The following MEOX2 variants were observed in gnomAD, a reference collection of about 807,000 sequenced individuals.
MEOX2 encodes mesenchyme homeobox 2.
MEOX2 carries 11 observed loss-of-function variants against 27.0 expected under a neutral mutation model. That is an observed-to-expected ratio of 0.41 (90% CI 0.26 to 0.68). The LOEUF is 0.68. MEOX2 is among the 30% of genes least tolerant of loss of function. The probability of loss-of-function intolerance (pLI) is 0.33; values close to 1 mark genes in which losing one functional copy is unlikely to be tolerated. For missense variants in MEOX2, 436 were observed against 385.4 expected (o/e 1.13, Z -1.10); for synonymous variants, 189 against 155.4 (o/e 1.22, Z -1.61).
At chr7:15,663,938 G>A (rs889438673) in intron 1 of MEOX2, among the ~76,000 whole-genome samples, 3 of 152,152 alleles carry the variant, frequency 2.0e-5, no homozygotes, top group Non-Finnish European at 2.9e-5. Context: ...GATAGATATA[G>A]ATAGACAGAC....
At chr7:15,625,550 C>T (rs1174559765) in intron 2 of MEOX2, among the ~76,000 whole-genome samples, 7 of 152,122 alleles carry the variant, frequency 4.6e-5, no homozygotes, top group Non-Finnish European at 7.4e-5. Context: ...AAATAACTTG[C>T]TCTCTTAAGA....
At chr7:15,612,967 C>T (rs986436647) in intron 2 of MEOX2, among the ~76,000 whole-genome samples, 88 of 152,272 alleles carry the variant, frequency 5.8e-4, no homozygotes, top group Non-Finnish European at 2.2e-4. Context: ...TCAAAGCCCC[C>T]CACTCCTAAG....
chr7:15,685,964 C>T lies in MEOX2; in HGVS notation c.439G>A (p.Gly147Arg). ...GACAGTGCCTGGCGGCCGTAGTCCCCCGGCGCGCACGCGGCCCCAGTCGGG... is the reference window on the plus strand; with the variant it reads ...GACAGTGCCTGGCGGCCGTAGTCCCTCGGCGCGCACGCGGCCCCAGTCGGG... Reference protein sequence around the residue: ...STPTGAACAPGDYGRQALSPA... With the variant: ...STPTGAACAPRDYGRQALSPA... The change falls in exon 1 of 3, where the codon GGG becomes AGG. Residue 147 changes from glycine to arginine, a missense_variant. By Grantham distance (125) the Gly-to-Arg change is moderately radical. Coordinates refer to ENST00000262041, the MANE Select transcript of MEOX2 (RefSeq NM_005924.5). 1.9e-6 allele frequency: 3 copies of T among 1,611,204 alleles called. No homozygotes were observed. Among genetic ancestry groups the T allele is most frequent in the Non-Finnish European group, 2.5e-6 (3 of 1,179,692 alleles).
At position 15,620,036 on chromosome 7, in the gene MEOX2, C is replaced by A. The variant is rs1421823888; in HGVS notation, c.690+6710G>T. 1.3e-5 allele frequency among the ~76,000 whole-genome samples: 2 copies of A among 151,964 alleles called. 1 individual carries two copies. Among genetic ancestry groups the A allele is most frequent in the Admixed American group, 1.3e-4 (2 of 15,238 alleles). On this transcript the variant is annotated intron_variant, in intron 2 of 2. Coordinates refer to ENST00000262041, the MANE Select transcript of MEOX2 (RefSeq NM_005924.5). ...GTCTAGTTTTTGATGCTTACCAATA[C>A]TGTCAATATGTATTTATTTATTTAA... is the stretch of plus-strand genomic sequence containing the variant.
intron 2 of MEOX2, among the ~76,000 whole-genome samples, chr7:15,613,486 G>A (rs568581487): frequency 6.6e-6 from 1 of 151,800 alleles, no homozygotes; most frequent in East Asian, 1.9e-4. Context: ...GAGGAAATCT[G>A]TTTCTTTCAC....
At chr7:15,640,969 A>G (rs1402414802) in intron 1 of MEOX2, among the ~76,000 whole-genome samples, 1 of 152,024 alleles carries the variant, frequency 6.6e-6, no homozygotes, top group Admixed American at 6.6e-5. Context: ...TTCATCAGAG[A>G]TATTGGCTTA....
chr7:15,676,350 G>T (rs1170986303), intron 1 of MEOX2, among the ~76,000 whole-genome samples: 4 of 152,094 alleles, frequency 2.6e-5, no homozygotes, highest in African/African-American at 4.8e-5. Flanking sequence ...TTGCACATTT[G>T]CCATTCCTAA....
At chr7:15,624,039 T>C (rs1781259498) in intron 2 of MEOX2, among the ~76,000 whole-genome samples, 1 of 152,248 alleles carries the variant, frequency 6.6e-6, no homozygotes, top group Non-Finnish European at 1.5e-5. Flanking sequence ...CCCATTATGA[T>C]ATACAAATCT....
At chr7:15,655,484 T>C (rs1307659985) in intron 1 of MEOX2, among the ~76,000 whole-genome samples, 1 of 151,762 alleles carries the variant, frequency 6.6e-6, no homozygotes, top group Non-Finnish European at 1.5e-5. Flanking sequence ...CTGAAACCTT[T>C]TCTGTTTCCC....
chr7:15,683,546 G>A (rs190396765), intron 1 of MEOX2, among the ~76,000 whole-genome samples: 2 of 152,178 alleles, frequency 1.3e-5, no homozygotes, highest in African/African-American at 4.8e-5. Context: ...GTTTGTGCTA[G>A]ATCAAGATGT....
chr7:15,652,866 T>A (rs972960864), intron 1 of MEOX2, among the ~76,000 whole-genome samples: 8 of 152,056 alleles, frequency 5.3e-5, no homozygotes, highest in African/African-American at 1.7e-4. Context: ...ACTGTTTGTT[T>A]AACCATTTGC....
intron 1 of MEOX2, among the ~76,000 whole-genome samples, chr7:15,638,439 C>T (rs1781515910): frequency 6.6e-6 from 1 of 152,128 alleles, no homozygotes; most frequent in Non-Finnish European, 1.5e-5. Flanking sequence ...TCATTGGTCT[C>T]ATATGCATTT....
chr7:15,634,157 C>T (rs185525073), intron 1 of MEOX2, among the ~76,000 whole-genome samples: 50 of 151,974 alleles, frequency 3.3e-4, no homozygotes, highest in Non-Finnish European at 2.2e-4. Flanking sequence ...GAATGTTATA[C>T]GAAGTGAAGG....
intron 1 of MEOX2, among the ~76,000 whole-genome samples, chr7:15,669,227 T>C (rs1288236879): frequency 1.3e-5 from 2 of 152,222 alleles, no homozygotes; most frequent in Non-Finnish European, 1.5e-5. Context: ...CAGTAAAACT[T>C]TACTACAAAT....
chr7:15,613,687 T>C (rs1370600328), intron 2 of MEOX2, among the ~76,000 whole-genome samples: 1 of 152,132 alleles, frequency 6.6e-6, no homozygotes, highest in African/African-American at 2.4e-5. Context: ...TTTATTTGTT[T>C]GTTAGGTTTA....
intron 1 of MEOX2, among the ~76,000 whole-genome samples, chr7:15,643,707 A>G (rs1045089158): frequency 6.6e-6 from 1 of 152,160 alleles, no homozygotes; most frequent in Non-Finnish European, 1.5e-5. Context: ...AGTTTCATGA[A>G]GGGAGGGGTG....
chr7:15,620,466 G>C (rs190337302), intron 2 of MEOX2, among the ~76,000 whole-genome samples: 1 of 152,072 alleles, frequency 6.6e-6, no homozygotes, highest in African/African-American at 2.4e-5. Context: ...TACTCTACTC[G>C]GGAGGCTGAG....
At chr7:15,654,527 T>A (rs1562606987) in intron 1 of MEOX2, among the ~76,000 whole-genome samples, 1 of 151,770 alleles carries the variant, frequency 6.6e-6, no homozygotes, top group African/African-American at 2.4e-5. Context: ...GTATGTTAAT[T>A]GTAGGCTGCC....
chr7:15,668,089 G>C (rs1413345523), intron 1 of MEOX2: 2 of 152,194 alleles, frequency 1.3e-5, no homozygotes, highest in Non-Finnish European at 2.9e-5. Context: ...TATTTCTACT[G>C]TGTACTAACA....
Sources: gnomAD v4.1 joint callset for allele counts (sites outside exome capture counted in the v4.1 genomes callset) on GRCh38, gnomAD v4.1.1 for gene constraint, MANE v1.5 for transcripts, NCBI Gene and HGNC (gene_info 2026-07-23, HGNC 2026-07-21) for gene names.